The following USP34 variants were observed in gnomAD, a reference collection of about 807,000 sequenced individuals.
USP34 encodes the protein ubiquitin carboxyl-terminal hydrolase 34.
A neutral mutation model predicts 460.3 loss-of-function variants in USP34; 70 were observed. The ratio of observed to expected loss-of-function variants is 0.15; its 90% CI spans 0.13 to 0.19. The LOEUF is 0.19. USP34 is among the 10% of genes least tolerant of loss of function. USP34 has a pLI of 1.00. For missense variants in USP34, 3,985 were observed against 4,236.2 expected (o/e 0.94, Z 1.65); for synonymous variants, 1,647 against 1,405.3 (o/e 1.17, Z -3.85).
chr2:61,286,834 C>A (rs1689703698), intron 34 of USP34, among the ~76,000 whole-genome samples: 1 of 152,180 alleles, frequency 6.6e-6, no homozygotes. Context: ...CTATAAACCT[C>A]CATAAACGTG....
intron 41 of USP34, 91 bp downstream of exon 41, chr2:61,278,074 A>T: frequency 6.8e-7 from 1 of 1,467,102 alleles, no homozygotes; most frequent in South Asian, 1.2e-5. Flanking sequence ...GTATGCCTTT[A>T]TGAGCAGTGT....
chr2:61,331,452 A>C, intron 19 of USP34, 81 bp from the exon 20 acceptor site: 1 of 1,131,880 alleles, frequency 8.8e-7, no homozygotes. Context: ...AAATATGCAA[A>C]TCTAAAAAAA....
At position 61,274,865 on chromosome 2, in the gene USP34, T is replaced by C. The variant is rs1021192413; in HGVS notation, c.5433+3300A>G. 2.0e-5 allele frequency among the ~76,000 whole-genome samples: 3 copies of C among 152,250 alleles called. No homozygotes were observed. In the South Asian group the frequency reaches 6.2e-4, roughly 31 times the overall value. Reference sequence around the variant, plus strand: ...TAGCAGTTCTAACTTTTAGAATGTCTTCCTACATTTCCTAAATCTATGTGT... The same window carrying C: ...TAGCAGTTCTAACTTTTAGAATGTCCTCCTACATTTCCTAAATCTATGTGT... On this transcript the variant is annotated intron_variant, in intron 41 of 79. Transcript: ENST00000398571.
intron 23 of USP34, among the ~76,000 whole-genome samples, chr2:61,316,859 C>A (rs1690766242): frequency 6.6e-6 from 1 of 152,064 alleles, no homozygotes; most frequent in Non-Finnish European, 1.5e-5. Flanking sequence ...GCACTCTGGC[C>A]TGGGTGACAG....
At chr2:61,413,630 A>C (rs1037024519) in intron 2 of USP34, among the ~76,000 whole-genome samples, 4 of 148,390 alleles carry the variant, frequency 2.7e-5, no homozygotes, top group Non-Finnish European at 5.9e-5. Flanking sequence ...ATTGCACTCC[A>C]TCCTGGCAAT....
intron 22 of USP34, 105 bp downstream of exon 22, chr2:61,319,068 C>G: frequency 8.6e-7 from 1 of 1,167,086 alleles, no homozygotes; most frequent in Middle Eastern, 3.0e-4. Flanking sequence ...CATTTGGCTA[C>G]TTAAAAAAAC....
At chr2:61,416,824 G>GGGA (rs1694208798) in intron 2 of USP34, 1 of 388,390 alleles carries the variant, frequency 2.6e-6, no homozygotes, top group Non-Finnish European at 4.5e-6. Flanking sequence ...TTTTTTTTGG[G>GGGA]GGGGGGGACA....
At chr2:61,394,097 G>A (rs577817632) in intron 5 of USP34, among the ~76,000 whole-genome samples, 1 of 152,124 alleles carries the variant, frequency 6.6e-6, no homozygotes, top group South Asian at 2.1e-4. Context: ...CTCCAGCCTG[G>A]GGAACAAAGT....
At chr2:61,441,843 A>G (rs1694975228) in intron 1 of USP34, among the ~76,000 whole-genome samples, 1 of 151,702 alleles carries the variant, frequency 6.6e-6, no homozygotes, top group Non-Finnish European at 1.5e-5. Context: ...GAAAAAAAAA[A>G]AAGGAAGAAA....
chr2:61,387,094 AC>A (rs1443326977), intron 5 of USP34, among the ~76,000 whole-genome samples: 2 of 152,288 alleles, frequency 1.3e-5, no homozygotes, highest in East Asian at 3.9e-4. Flanking sequence ...AGAGATTTAA[AC>A]AGGTACTTCG....
intron 27 of USP34, among the ~76,000 whole-genome samples, chr2:61,305,420 A>G (rs1690372183): frequency 6.6e-6 from 1 of 152,194 alleles, no homozygotes; most frequent in Non-Finnish European, 1.5e-5. Context: ...TGTGATGAAC[A>G]GCAAGCCCCG....
At chr2:61,248,422 G>A (rs2103875287) in intron 49 of USP34, 89 bp downstream of exon 49, 2 of 1,331,188 alleles carry the variant, frequency 1.5e-6, no homozygotes, top group Middle Eastern at 5.4e-4. Flanking sequence ...TTTGTTAACT[G>A]TGTAGTTGAT....
intron 29 of USP34, among the ~76,000 whole-genome samples, chr2:61,300,557 G>A (rs1468604561): frequency 6.6e-6 from 1 of 150,962 alleles, no homozygotes; most frequent in Non-Finnish European, 1.5e-5. Context: ...CAGCACTTTG[G>A]GAGGCTGACA....
intron 51 of USP34, among the ~76,000 whole-genome samples, 170 bp downstream of exon 51, chr2:61,245,040 T>C (rs1164085614): frequency 6.6e-6 from 1 of 150,836 alleles, no homozygotes; most frequent in Non-Finnish European, 1.5e-5. Context: ...AATAGCACTT[T>C]AAAAATATTT....
At position 61,248,677 on chromosome 2, in the gene USP34, A is replaced by G; in HGVS notation, c.6228T>C (p.Cys2076=). Residue 2076 remains cysteine, a synonymous_variant, in exon 49 of 80, where the codon TGT becomes TGC. Coordinates refer to ENST00000398571, the MANE Select transcript of USP34 (RefSeq NM_014709.4). ...GKKVRAEKRA[C]FKKLPRILSF... ...TCAAAATGCGAGGCAATTTCTTAAA[A>G]CATGCCCTGAGAGACAAGAAAAAAA... 1 of 1,561,764 alleles carries G rather than the reference A, an allele frequency of 6.4e-7. No homozygotes were observed.
chr2:61,425,702 C>T (rs1204654253), intron 1 of USP34, among the ~76,000 whole-genome samples: 2 of 152,008 alleles, frequency 1.3e-5, no homozygotes, highest in East Asian at 1.9e-4. Context: ...AACTCTTAAC[C>T]GATTCTTAGT....
chr2:61,225,642 A>C (rs1218199898), intron 62 of USP34, among the ~76,000 whole-genome samples: 1 of 152,164 alleles, frequency 6.6e-6, no homozygotes, highest in African/African-American at 2.4e-5. Flanking sequence ...TGTGTTCTAT[A>C]AAGTGTGGCA....
At chr2:61,255,315 A>G (rs1050507396) in intron 48 of USP34, among the ~76,000 whole-genome samples, 4 of 152,172 alleles carry the variant, frequency 2.6e-5, no homozygotes, top group African/African-American at 9.7e-5. Flanking sequence ...ACTCTAACTC[A>G]ACAGTTACTA....
chr2:61,229,207 A>T (rs1285852446), intron 59 of USP34, among the ~76,000 whole-genome samples: 1 of 152,200 alleles, frequency 6.6e-6, no homozygotes, highest in Non-Finnish European at 1.5e-5. Context: ...CAGATGCAAA[A>T]TTTAAATAAA....
Sources: gnomAD v4.1 joint callset for allele counts (sites outside exome capture counted in the v4.1 genomes callset) on GRCh38, gnomAD v4.1.1 for gene constraint, MANE v1.5 for transcripts, NCBI Gene and HGNC (gene_info 2026-07-23, HGNC 2026-07-21) for gene names.